The following HSPBAP1 variants were observed in gnomAD, a reference collection of about 807,000 sequenced individuals.
HSPBAP1 encodes HSPB1 associated protein 1.
A neutral mutation model predicts 45.2 loss-of-function variants in HSPBAP1; 27 were observed. That is an observed-to-expected ratio of 0.60 (90% confidence interval 0.44 to 0.82). The LOEUF (loss-of-function observed/expected upper bound fraction) is 0.82, where lower values mean the gene tolerates loss of function less well. HSPBAP1 is among the 40% of genes least tolerant of loss of function. The pLI is 0.00. For missense variants in HSPBAP1, 510 were observed against 590.9 expected, an observed-to-expected ratio of 0.86 and a Z score of 1.42; for synonymous variants, 204 against 202.7, an observed-to-expected ratio of 1.01 and a Z score of -0.06.
At position 122,759,218 on chromosome 3, in the gene HSPBAP1, C is replaced by CACACACA. The variant is rs752606517; in HGVS notation, c.569+5_569+6insTGTGTGT. The CACACACA allele has an allele frequency of 1.1e-5, 17 of 1,608,600 alleles. No homozygotes were observed. In the East Asian group the frequency reaches 3.4e-4, roughly 32 times the overall value. On this transcript the variant is annotated splice_donor_region_variant and intron_variant, in intron 4 of 7. Coordinates refer to ENST00000306103, the MANE Select transcript of HSPBAP1 (RefSeq NM_024610.6). ...ACACACACACACACACACACACACA[C>CACACACA]ATTACCTTCCTTGTACCTGGAATAC... is the stretch of plus-strand genomic sequence containing the variant.
intron 1 of HSPBAP1, among the ~76,000 whole-genome samples, chr3:122,789,737 T>C (rs1935764348): frequency 6.6e-6 from 1 of 152,198 alleles, no homozygotes; most frequent in Non-Finnish European, 1.5e-5. Context: ...CTATCAAGCA[T>C]AACCAAGGTG....
At chr3:122,746,846 G>A (rs1166462607) in intron 6 of HSPBAP1, among the ~76,000 whole-genome samples, 1 of 152,172 alleles carries the variant, frequency 6.6e-6, no homozygotes, top group Non-Finnish European at 1.5e-5. Context: ...GTGGAGATGG[G>A]GTTTCACTGT....
At chr3:122,752,529 A>G in intron 6 of HSPBAP1, 62 bp downstream of exon 6, 2 of 1,005,978 alleles carry the variant, frequency 2.0e-6, no homozygotes, top group Non-Finnish European at 3.0e-6. Flanking sequence ...CAGACCTTAT[A>G]TATCTTTTAA....
chr3:122,761,786 C>A (rs1560132210), intron 3 of HSPBAP1: 1 of 143,364 alleles, frequency 7.0e-6, no homozygotes, highest in African/African-American at 2.7e-5. Context: ...CAGAGCAAGA[C>A]CTTGTCTCAA....
intron 6 of HSPBAP1, chr3:122,741,379 T>C (rs1310017495): frequency 2.1e-5 from 8 of 382,600 alleles, no homozygotes; most frequent in African/African-American, 4.1e-5. Context: ...CCTTATGATA[T>C]TTTCTCCAAT....
intron 5 of HSPBAP1, chr3:122,754,664 C>G (rs1378383839): frequency 6.1e-6 from 6 of 985,140 alleles, no homozygotes; most frequent in Non-Finnish European, 7.2e-6. Context: ...GAAAACCTTT[C>G]AAATTATTAA....
At chr3:122,779,278 T>A (rs1246243530) in intron 1 of HSPBAP1, among the ~76,000 whole-genome samples, 15 of 151,536 alleles carry the variant, frequency 9.9e-5, no homozygotes. Flanking sequence ...CCTGACCTCG[T>A]GATCCACCTG....
chr3:122,763,867 G>A (rs1934684455), intron 3 of HSPBAP1, among the ~76,000 whole-genome samples: 1 of 152,234 alleles, frequency 6.6e-6, no homozygotes, highest in South Asian at 2.1e-4. Context: ...TCCCAAGTAT[G>A]GCTGATGCCG....
intron 1 of HSPBAP1, among the ~76,000 whole-genome samples, chr3:122,779,112 G>A (rs1447596275): frequency 4.0e-5 from 6 of 151,296 alleles, no homozygotes; most frequent in South Asian, 2.1e-4. Flanking sequence ...GCGCAGTCTC[G>A]GCTCACTGCA....
chr3:122,770,808 G>A (rs1934969957), intron 2 of HSPBAP1, among the ~76,000 whole-genome samples: 2 of 152,234 alleles, frequency 1.3e-5, no homozygotes, highest in Non-Finnish European at 2.9e-5. Flanking sequence ...AAAAGTGCAT[G>A]TGGCAAGAAA....
rs545774230 is a variant in HSPBAP1, at chr3:122,786,722, C to T, written c.64+6895G>A. On this transcript the variant is annotated intron_variant, in intron 1 of 7. Coordinates refer to ENST00000306103, the MANE Select transcript of HSPBAP1 (RefSeq NM_024610.6). ...TATATATTAAATGCCAAAACATTTG[C>T]TAAATGAATGAGAGCACTATGAAGT... is the stretch of plus-strand genomic sequence containing the variant. 1.6e-4 allele frequency among the ~76,000 whole-genome samples: 25 copies of T among 152,222 alleles called. No individual in the cohort carries two copies. The East Asian group carries it at 4.4e-3, about 27-fold the overall frequency.
At chr3:122,769,265 G>A (rs898649994) in intron 2 of HSPBAP1, among the ~76,000 whole-genome samples, 29 of 152,190 alleles carry the variant, frequency 1.9e-4, no homozygotes, top group African/African-American at 6.5e-4. Flanking sequence ...ACTACCCTAT[G>A]AGTAGATTTA....
intron 6 of HSPBAP1, among the ~76,000 whole-genome samples, chr3:122,747,457 C>T (rs1462871751): frequency 7.9e-5 from 12 of 151,756 alleles, no homozygotes; most frequent in African/African-American, 2.2e-4. Flanking sequence ...CGTCTCCGCC[C>T]GGCCAGCCGC....
At chr3:122,786,781 A>G (rs1402984726) in intron 1 of HSPBAP1, among the ~76,000 whole-genome samples, 1 of 152,216 alleles carries the variant, frequency 6.6e-6, no homozygotes. Context: ...TGTTCACCAT[A>G]ACAGGAAATT....
intron 1 of HSPBAP1, among the ~76,000 whole-genome samples, chr3:122,780,843 C>T (rs1576272614): frequency 1.4e-5 from 2 of 141,764 alleles, no homozygotes; most frequent in South Asian, 2.4e-4. Context: ...TCAGACGGGG[C>T]GGCCGGGCAG....
chr3:122,781,447 C>CG (rs1188694417), intron 1 of HSPBAP1, among the ~76,000 whole-genome samples: 1 of 150,210 alleles, frequency 6.7e-6, no homozygotes, highest in Non-Finnish European at 1.5e-5. Flanking sequence ...CGCAGGCACT[C>CG]GGCAGGCTGA....
intron 6 of HSPBAP1, among the ~76,000 whole-genome samples, chr3:122,745,446 G>A (rs1297151696): frequency 2.0e-5 from 3 of 152,152 alleles, no homozygotes; most frequent in African/African-American, 7.2e-5. Flanking sequence ...GCTTTCCACA[G>A]TTTCAGTTAC....
intron 1 of HSPBAP1, 117 bp downstream of exon 1, chr3:122,793,500 A>G (rs1935901295): frequency 1.3e-6 from 1 of 783,898 alleles, no homozygotes; most frequent in Admixed American, 2.2e-5. Context: ...TTCATAGTCT[A>G]ATGCAAGGCC....
At chr3:122,751,199 C>T (rs1934122850) in intron 6 of HSPBAP1, among the ~76,000 whole-genome samples, 1 of 152,190 alleles carries the variant, frequency 6.6e-6, no homozygotes, top group South Asian at 2.1e-4. Context: ...GAGAACTATT[C>T]TTGACATAAT....
Sources: gnomAD v4.1 joint callset for allele counts (sites outside exome capture counted in the v4.1 genomes callset) on GRCh38, gnomAD v4.1.1 for gene constraint, MANE v1.5 for transcripts, NCBI Gene and HGNC (gene_info 2026-07-23, HGNC 2026-07-21) for gene names.